The following PHLDB2 variants were observed in gnomAD, a reference collection of about 807,000 sequenced individuals.
PHLDB2 encodes pleckstrin homology like domain family B member 2.
Under a neutral mutation model 123.6 loss-of-function variants are expected in PHLDB2, and 71 were observed. That is an observed-to-expected ratio of 0.57 (90% CI 0.47 to 0.70). PHLDB2 has a LOEUF of 0.70. Ranked by LOEUF, PHLDB2 falls within the 30% of genes least tolerant of loss-of-function variation. The pLI, the probability that PHLDB2 is intolerant of heterozygous loss-of-function variation, is 0.00. For missense variants in PHLDB2, 1,446 were observed against 1,519.5 expected (o/e 0.95, Z 0.80); for synonymous variants, 547 against 541.6 (o/e 1.01, Z -0.14).
intron 12 of PHLDB2, among the ~76,000 whole-genome samples, chr3:111,960,975 A>G (rs1304104716): frequency 6.6e-6 from 1 of 152,234 alleles, no homozygotes; most frequent in Non-Finnish European, 1.5e-5. Flanking sequence ...AGAGCAAGCC[A>G]TAGCAGTAAC....
intron 2 of PHLDB2, chr3:111,885,764 T>C: frequency 3.4e-6 from 2 of 595,670 alleles, no homozygotes; most frequent in Non-Finnish European, 5.9e-6. Flanking sequence ...ACTTGTATTA[T>C]TTATATCATT....
chr3:111,852,473 G>A (rs2064300520), intron 2 of PHLDB2, among the ~76,000 whole-genome samples: 1 of 150,526 alleles, frequency 6.6e-6, no homozygotes, highest in Non-Finnish European at 1.5e-5. Flanking sequence ...TAACATTAAG[G>A]ACAAATTGAA....
chr3:111,819,204 C>T (rs890815569), intron 1 of PHLDB2, among the ~76,000 whole-genome samples: 1 of 152,066 alleles, frequency 6.6e-6, no homozygotes, highest in Non-Finnish European at 1.5e-5. Context: ...CTACTTATCT[C>T]CCAAATGCCC....
chr3:111,746,623 G>C (rs1261512339), intron 1 of PHLDB2, among the ~76,000 whole-genome samples: 1 of 152,108 alleles, frequency 6.6e-6, no homozygotes, highest in African/African-American at 2.4e-5. Flanking sequence ...AAATTAGCTG[G>C]GTGTGGTGGC....
intron 1 of PHLDB2, among the ~76,000 whole-genome samples, chr3:111,762,742 T>C (rs1559818393): frequency 6.6e-6 from 1 of 152,178 alleles, no homozygotes; most frequent in Non-Finnish European, 1.5e-5. Flanking sequence ...CCAGCTCTGA[T>C]CCCCACAGAC....
At chr3:111,831,892 T>G (rs1488917376) in intron 1 of PHLDB2, among the ~76,000 whole-genome samples, 1 of 152,124 alleles carries the variant, frequency 6.6e-6, no homozygotes, top group Non-Finnish European at 1.5e-5. Flanking sequence ...CAGGGTAAAT[T>G]ATTGGTCAGT....
chr3:111,735,627 C>T (rs146325762), intron 1 of PHLDB2, among the ~76,000 whole-genome samples: 152 of 152,320 alleles, frequency 1.0e-3, no homozygotes, highest in African/African-American at 3.5e-3. Context: ...GCACCCTTTA[C>T]TAATCAACTG....
intron 1 of PHLDB2, among the ~76,000 whole-genome samples, chr3:111,868,323 T>C (rs947074582): frequency 1.3e-5 from 2 of 152,210 alleles, no homozygotes; most frequent in East Asian, 1.9e-4. Context: ...CCTAGCTTCA[T>C]ACATTGTAAA....
intron 2 of PHLDB2, among the ~76,000 whole-genome samples, chr3:111,852,753 GACAC>G (rs36217120): frequency 0.065 from 9,823 of 150,208 alleles, 1,005 homozygotes; most frequent in African/African-American, 0.22. Context: ...TAATCTAAAA[GACAC>G]ACACACACAC....
intron 2 of PHLDB2, among the ~76,000 whole-genome samples, chr3:111,900,803 G>A (rs113460620): frequency 0.016 from 2,388 of 152,218 alleles, 68 homozygotes; most frequent in African/African-American, 0.054. Context: ...TCTGCAGAGC[G>A]CAATAAAGCA....
intron 2 of PHLDB2, among the ~76,000 whole-genome samples, chr3:111,901,513 T>TA (rs903788166): frequency 3.0e-5 from 4 of 131,288 alleles, no homozygotes; most frequent in African/African-American, 5.3e-5. Context: ...CTTTATGCAT[T>TA]AAAAAAAATC....
chr3:111,732,520 A>G, exon 1 of PHLDB2: 1 of 1,092,990 alleles, frequency 9.1e-7, no homozygotes, highest in Non-Finnish European at 1.3e-6. Context: ...CAGAGGCCAG[A>G]GAGAGCAGGA....
intron 1 of PHLDB2, among the ~76,000 whole-genome samples, chr3:111,824,168 T>C (rs781360600): frequency 8.5e-5 from 13 of 152,196 alleles, no homozygotes; most frequent in Non-Finnish European, 1.5e-4. Flanking sequence ...ACCCACTTGC[T>C]GGTCGGTTCT....
Position 111,823,773 on chromosome 3 carries a change from A to G in PHLDB2, c.-48-22048A>G, listed in dbSNP as rs116423655. ...GAAATGTATGCTGGGTTCACATACC[A>G]CTGAGAGCTATAAAGAAAATATGTC... On this transcript the variant is annotated intron_variant, in intron 1 of 17. Coordinates refer to the PHLDB2 transcript ENST00000393923. Among the ~76,000 whole-genome samples, 852 of 152,256 alleles carry G rather than the reference A, an allele frequency of 5.6e-3. 6 individuals are homozygous for G. The highest frequency in any genetic ancestry group is 0.02 in the African/African-American group (821 of 41,542).
chr3:111,878,805 A>G (rs1320703645), intron 1 of PHLDB2, among the ~76,000 whole-genome samples: 1 of 152,196 alleles, frequency 6.6e-6, no homozygotes, highest in Non-Finnish European at 1.5e-5. Flanking sequence ...ACCTATTGAG[A>G]CAATCATGTG....
At chr3:111,838,156 T>A (rs2063502761) in intron 1 of PHLDB2, among the ~76,000 whole-genome samples, 1 of 152,190 alleles carries the variant, frequency 6.6e-6, no homozygotes, top group African/African-American at 2.4e-5. Context: ...TTTATTTTTA[T>A]TTATGTATTT....
At chr3:111,835,789 C>T (rs1248463304) in intron 1 of PHLDB2, among the ~76,000 whole-genome samples, 1 of 152,224 alleles carries the variant, frequency 6.6e-6, no homozygotes, top group Non-Finnish European at 1.5e-5. Flanking sequence ...GAACACCTTA[C>T]ATAGTGACCC....
intron 9 of PHLDB2, among the ~76,000 whole-genome samples, chr3:111,946,457 G>A (rs984191378): frequency 6.6e-6 from 1 of 152,214 alleles, no homozygotes; most frequent in African/African-American, 2.4e-5. Flanking sequence ...ATATTTTTGT[G>A]TGTGTAAGTA....
chr3:111,770,995 A>G (rs4642091), intron 1 of PHLDB2, among the ~76,000 whole-genome samples: 131,662 of 152,168 alleles, frequency 0.87, 57,873 homozygotes, highest in East Asian at 1. Flanking sequence ...CATGGCATGC[A>G]GGGGTTTCTC....
Sources: gnomAD v4.1 joint callset for allele counts (sites outside exome capture counted in the v4.1 genomes callset) on GRCh38, gnomAD v4.1.1 for gene constraint, MANE v1.5 for transcripts, NCBI Gene and HGNC (gene_info 2026-07-23, HGNC 2026-07-21) for gene names.